The following SLC38A8 variants were observed in gnomAD, a reference collection of about 807,000 sequenced individuals.
SLC38A8 encodes amino acid transporter SLC38A8.
A neutral mutation model predicts 46.0 loss-of-function variants in SLC38A8; 65 were observed. That is an observed-to-expected ratio of 1.41 (90% CI 1.16 to 1.74). The LOEUF is 1.74. SLC38A8 is among the 40% of genes most tolerant of loss of function. SLC38A8 has a pLI of 0.00. For synonymous variants in SLC38A8, 447 were observed against 243.7 expected (o/e 1.83, Z -7.77); for missense variants, 998 against 567.9 (o/e 1.76, Z -7.70).
intron 6 of SLC38A8, among the ~76,000 whole-genome samples, chr16:84,023,851 G>T (rs902905421): frequency 6.6e-6 from 1 of 152,204 alleles, no homozygotes. Context: ...CCAAGATCGT[G>T]CCACTGCACT....
chr16:84,032,015 G>A (rs374734521), intron 4 of SLC38A8, 47 bp from the exon 5 acceptor site: 60 of 1,508,008 alleles, frequency 4.0e-5, no homozygotes, highest in South Asian at 1.2e-4. Context: ...TGACATGTGC[G>A]GTTGATGCAC....
intron 5 of SLC38A8, among the ~76,000 whole-genome samples, chr16:84,030,750 G>C (rs1032822133): frequency 6.6e-6 from 1 of 152,130 alleles, no homozygotes. Flanking sequence ...GGTGCAGGAG[G>C]AATATGCGGG....
intron 10 of SLC38A8, 24 bp downstream of exon 10, chr16:84,012,977 C>A: frequency 6.2e-7 from 1 of 1,613,378 alleles, no homozygotes; most frequent in Non-Finnish European, 8.5e-7. Context: ...ACCCAGGGTG[C>A]CACCTCATCT....
At chr16:84,036,481 AAC>A (rs2085300330) in intron 3 of SLC38A8, among the ~76,000 whole-genome samples, 1 of 152,232 alleles carries the variant, frequency 6.6e-6, no homozygotes, top group Admixed American at 6.5e-5. Context: ...TTGCAGCCAC[AAC>A]CTCTCTCATG....
In SLC38A8 at chr16:84,016,584, G is replaced by A; in HGVS notation, c.1097C>T (p.Pro366Leu). Residue 366 changes from proline to leucine, a missense_variant, in exon 9 of 11, where the codon CCT becomes CTT. Pro to Leu is a moderately conservative substitution (Grantham distance 98). Coordinates refer to ENST00000299709, the MANE Select transcript of SLC38A8 (RefSeq NM_001080442.3). The stretch of plus-strand genomic sequence containing the variant: ...GATGCTGACGATCTCGCTGAGGTCA[G>A]GCATAAACAGCGCCATGGCGAGCGT... ...TVTLAMALFM[P>L]DLSEIVSIIG... is the part of the protein sequence containing the mutation. 1.9e-6 allele frequency: 3 copies of A among 1,614,082 alleles called. No individual in the cohort carries two copies. The highest frequency in any genetic ancestry group is 2.5e-6 in the Non-Finnish European group (3 of 1,180,026).
At chr16:84,035,380 T>C (rs1597276477) in intron 3 of SLC38A8, among the ~76,000 whole-genome samples, 1 of 152,308 alleles carries the variant, frequency 6.6e-6, no homozygotes, top group East Asian at 1.9e-4. Context: ...TTTTGCTTCA[T>C]GGGTCAAGAG....
chr16:84,013,597 A>T (rs2084985190), intron 9 of SLC38A8, among the ~76,000 whole-genome samples: 1 of 150,646 alleles, frequency 6.6e-6, no homozygotes, highest in Non-Finnish European at 1.5e-5. Flanking sequence ...CACCCCGCTC[A>T]TTTTTGTATT....
intron 6 of SLC38A8, among the ~76,000 whole-genome samples, chr16:84,026,852 C>G (rs571115110): frequency 1.3e-5 from 2 of 152,130 alleles, no homozygotes; most frequent in Non-Finnish European, 2.9e-5. Context: ...TCCAGACAGA[C>G]AAGAAGTGCA....
In SLC38A8 at chr16:84,017,200, G is replaced by A. The variant is rs1224985244; in HGVS notation, c.893C>T (p.Ala298Val). 6 of 1,614,134 alleles carry A rather than the reference G, an allele frequency of 3.7e-6. No individual in the cohort carries two copies. The South Asian group carries it at 6.6e-5, about 18-fold the overall frequency. Residue 298 changes from alanine to valine, a missense_variant, in exon 8 of 11, where the codon GCC becomes GTC. By Grantham distance (64) the Ala-to-Val change is moderately conservative. Transcript: ENST00000299709. The part of the protein sequence containing the change: ...YPGNDMVIIV[A>V]RVLFAVSIVT... ...GATGGAGACAGCAAAAAGGACCCGG[G>A]CCACAATGATGACCATATCATTGCC...
intron 10 of SLC38A8, among the ~76,000 whole-genome samples, chr16:84,010,462 C>T (rs1321327753): frequency 1.3e-5 from 2 of 152,066 alleles, no homozygotes; most frequent in Admixed American, 1.3e-4. Flanking sequence ...ACATGGGGGC[C>T]AGGCATGGTG....
At position 84,016,507 on chromosome 16, in the gene SLC38A8, C is replaced by G. The variant is rs776408814; in HGVS notation, c.1162+12G>C. 8.1e-6 allele frequency: 13 copies of G among 1,612,062 alleles called. No individual in the cohort carries two copies. In the East Asian group the frequency reaches 2.9e-4, roughly 36 times the overall value. ...ACAAGTGGGCAGAAAGCCTGGAAAG[C>G]AGGGGCCTCACCTGGGAAGATGAAG... On this transcript the variant is annotated intron_variant, in intron 9 of 10. Transcript: ENST00000299709.
chr16:84,031,222 G>T (rs1006992726), intron 5 of SLC38A8, among the ~76,000 whole-genome samples: 1 of 151,948 alleles, frequency 6.6e-6, no homozygotes, highest in Non-Finnish European at 1.5e-5. Context: ...ATATTTTTAT[G>T]TAGAGACAGG....
intron 2 of SLC38A8, 122 bp downstream of exon 2, chr16:84,041,847 T>G: frequency 1.1e-6 from 1 of 883,236 alleles, no homozygotes; most frequent in Non-Finnish European, 1.7e-6. Flanking sequence ...GGATAGAAAA[T>G]AAAACCCCGA....
At chr16:84,010,286 G>C (rs1453039664) in intron 10 of SLC38A8, among the ~76,000 whole-genome samples, 1 of 151,888 alleles carries the variant, frequency 6.6e-6, no homozygotes, top group Non-Finnish European at 1.5e-5. Flanking sequence ...TGCTAGGCTG[G>C]TCTTGAACTC....
At chr16:84,013,962 G>C (rs925596463) in intron 9 of SLC38A8, among the ~76,000 whole-genome samples, 1 of 151,392 alleles carries the variant, frequency 6.6e-6, no homozygotes, top group Non-Finnish European at 1.5e-5. Flanking sequence ...CCTCTGAGAA[G>C]CTCCACCCAG....
rs115675613 is a variant in SLC38A8, at chr16:84,038,702, G to A, written c.190-1802C>T. On this transcript the variant is annotated intron_variant, in intron 2 of 10. Transcript: ENST00000299709. ...GGCGGAACATCGCCACACCCCGGAC[G>A]GTGCCACGAGTCCCACTTCTGTCTC... Among the ~76,000 whole-genome samples the A allele has an allele frequency of 7.1e-3, 1,082 of 152,268 alleles. 7 individuals carry two copies. The highest frequency in any genetic ancestry group is 0.025 in the African/African-American group (1,039 of 41,538).
At position 84,016,660 on chromosome 16, in the gene SLC38A8, G is replaced by T; in HGVS notation, c.1021C>A (p.Pro341Thr). ...GGCATCCGGACCCACAGCCCTGAGG[G>T]GTCGGCCAGGGCGCTGGGCCCCCAT... ...GGWGPSALAD[P>T]SGLWVRMPLT... The change falls in exon 9 of 11, where the codon CCC becomes ACC. Residue 341 changes from proline to threonine, a missense_variant. Transcript: ENST00000299709. The T allele has an allele frequency of 6.2e-7, 1 of 1,613,724 alleles. No homozygotes were observed. Among genetic ancestry groups the T allele is most frequent in the Middle Eastern group, 1.7e-4 (1 of 6,014 alleles).
At chr16:84,023,664 G>T (rs922835168) in intron 6 of SLC38A8, among the ~76,000 whole-genome samples, 1 of 152,114 alleles carries the variant, frequency 6.6e-6, no homozygotes, top group African/African-American at 2.4e-5. Flanking sequence ...GAGGCCGAAG[G>T]GGGCAGATCA....
chr16:84,012,218 G>A (rs1255616372), intron 10 of SLC38A8, among the ~76,000 whole-genome samples: 1 of 152,226 alleles, frequency 6.6e-6, no homozygotes, highest in Non-Finnish European at 1.5e-5. Flanking sequence ...TGGGATGGGA[G>A]GGAGTCACCC....
Sources: allele counts gnomAD v4.1 joint callset (sites outside exome capture counted in the v4.1 genomes callset), GRCh38; gene constraint gnomAD v4.1.1; transcripts MANE v1.5; gene names NCBI Gene and HGNC (gene_info 2026-07-23, HGNC 2026-07-21).